The following SLC28A3 variants were observed in gnomAD, a reference collection of about 807,000 sequenced individuals.
SLC28A3 encodes the protein concentrative Na(+)-nucleoside cotransporter 3.
A neutral mutation model predicts 84.2 loss-of-function variants in SLC28A3; 68 were observed. The ratio of observed to expected loss-of-function variants is 0.81; its 90% CI spans 0.66 to 0.99. The LOEUF is 0.99. Ranked by LOEUF, SLC28A3 falls within the 50% of genes least tolerant of loss-of-function variation. The probability of loss-of-function intolerance (pLI) is 0.00; values close to 1 mark genes in which losing one functional copy is unlikely to be tolerated. For missense variants in SLC28A3, 712 were observed against 841.5 expected, an observed-to-expected ratio of 0.85 and a Z score of 1.90; for synonymous variants, 267 against 303.6, an observed-to-expected ratio of 0.88 and a Z score of 1.25.
chr9:84,334,768 C>T (rs936058343), intron 1 of SLC28A3, among the ~76,000 whole-genome samples: 67 of 151,986 alleles, frequency 4.4e-4, no homozygotes, highest in African/African-American at 1.6e-3. Flanking sequence ...AGCCTAACTC[C>T]CGCTCATAAC....
At chr9:84,319,928 C>A (rs1195799870) in intron 1 of SLC28A3, among the ~76,000 whole-genome samples, 2 of 151,678 alleles carry the variant, frequency 1.3e-5, no homozygotes, top group Non-Finnish European at 2.9e-5. Context: ...ATATTTGCAC[C>A]TTTATTAATT....
At chr9:84,281,765 T>C (rs1395147543) in intron 14 of SLC28A3, among the ~76,000 whole-genome samples, 2 of 152,174 alleles carry the variant, frequency 1.3e-5, no homozygotes, top group Non-Finnish European at 2.9e-5. Context: ...CCCATAAAAA[T>C]GAAATGCTGC....
chr9:84,327,954 A>G lies in SLC28A3; in HGVS notation c.60+12620T>C, dbSNP rs186139065. ...AAAAAAAAAAAAAAGAAAGAAAAAT[A>G]AAATAAAATCCCCCATCTTTAGTTG... is the stretch of plus-strand genomic sequence containing the variant. On this transcript the variant is annotated intron_variant, in intron 1 of 17. Transcript: ENST00000376238. 2.3e-3 allele frequency among the ~76,000 whole-genome samples: 352 copies of G among 151,562 alleles called. 2 individuals are homozygous for G. Among genetic ancestry groups the G allele is most frequent in the African/African-American group, 7.8e-3 (323 of 41,340 alleles).
the SLC28A3 span, among the ~76,000 whole-genome samples, chr9:84,350,040 C>T: frequency 1.3e-5 from 2 of 152,216 alleles, no homozygotes; most frequent in African/African-American, 4.8e-5. Context: ...GGCTCCTAGA[C>T]TACAAACCTG....
rs1407236255 is a variant in SLC28A3, at chr9:84,278,091, C to G, written c.*127G>C. On this transcript the variant is annotated 3_prime_UTR_variant, in exon 18 of 18. Coordinates refer to ENST00000376238, the MANE Select transcript of SLC28A3 (RefSeq NM_001199633.2). ...AGGTCCACTCTTGTTTTTCTTCATT[C>G]CTTGCAATTAAAGCTGATTCCATTA... 3.2e-6 allele frequency: 4 copies of G among 1,260,566 alleles called. No homozygotes were observed. Among genetic ancestry groups the G allele is most frequent in the Non-Finnish European group, 4.3e-6 (4 of 932,782 alleles). 78.1% of individuals were successfully genotyped at this position (1,260,566 alleles called of 1,614,324 possible). A position where few individuals can be genotyped will look rare whatever the true frequency, so the allele number is the denominator to read the frequency against.
At chr9:84,321,709 G>A (rs1826384417) in intron 1 of SLC28A3, among the ~76,000 whole-genome samples, 1 of 145,560 alleles carries the variant, frequency 6.9e-6, no homozygotes, top group African/African-American at 2.6e-5. Flanking sequence ...ACTCTAGCCT[G>A]GGCAATAGAG....
At chr9:84,334,885 T>C (rs1826915602) in intron 1 of SLC28A3, among the ~76,000 whole-genome samples, 1 of 151,888 alleles carries the variant, frequency 6.6e-6, no homozygotes, top group South Asian at 2.1e-4. Context: ...CCTTTCGGAG[T>C]CTTTTCTGTT....
intron 11 of SLC28A3, 61 bp from the exon 12 acceptor site, chr9:84,288,239 A>T: frequency 6.2e-7 from 1 of 1,606,258 alleles, no homozygotes; most frequent in Non-Finnish European, 8.5e-7. Flanking sequence ...GTTCAGAGGA[A>T]GGGTCCAAGA....
chr9:84,300,153 T>A (rs1005754551), intron 5 of SLC28A3, among the ~76,000 whole-genome samples: 6 of 152,194 alleles, frequency 3.9e-5, no homozygotes, highest in Admixed American at 1.3e-4. Context: ...CACCAGTAGG[T>A]TGTGCGTTTA....
chr9:84,342,142 A>G (rs1273551482), upstream of SLC28A3, among the ~76,000 whole-genome samples: 327 of 133,136 alleles, frequency 2.5e-3, 11 homozygotes, highest in African/African-American at 0.011. Flanking sequence ...AAAAAAAAAA[A>G]AAGAAAAGAA....
Position 84,279,928 on chromosome 9 carries a change from G to A in SLC28A3, c.1828+47C>T, listed in dbSNP as rs368977437. The A allele has an allele frequency of 6.3e-5, 100 of 1,581,066 alleles. No individual in the cohort carries two copies. The African/African-American group carries it at 1.1e-3, about 18-fold the overall frequency. ...GGAGGCACTGCCTGTCCTGAAAGCT[G>A]CCATTCATCCTGTGGGCACTGGGAC... On this transcript the variant is annotated intron_variant, in intron 16 of 17. Transcript: ENST00000376238.
At chr9:84,278,681 TG>T (rs1455542988) in intron 17 of SLC28A3, among the ~76,000 whole-genome samples, 1 of 152,148 alleles carries the variant, frequency 6.6e-6, no homozygotes, top group African/African-American at 2.4e-5. Context: ...CATGGGTCAC[TG>T]GTAGTTTCTT....
At chr9:84,341,632 T>G (rs1245383977), upstream of SLC28A3, among the ~76,000 whole-genome samples, 1 of 152,186 alleles carries the variant, frequency 6.6e-6, no homozygotes, top group East Asian at 1.9e-4. Context: ...CTGGGCTGCT[T>G]TCAAAAATCC....
At chr9:84,327,655 G>A (rs939695500) in intron 1 of SLC28A3, among the ~76,000 whole-genome samples, 2 of 151,960 alleles carry the variant, frequency 1.3e-5, no homozygotes, top group South Asian at 2.1e-4. Flanking sequence ...GGATGGGTGC[G>A]GTGGCTAATG....
At chr9:84,367,869 C>T in the SLC28A3 span, among the ~76,000 whole-genome samples, 1 of 152,156 alleles carries the variant, frequency 6.6e-6, no homozygotes, top group Non-Finnish European at 1.5e-5. Flanking sequence ...AGCCATAGGG[C>T]GGTTTTCTCC....
chr9:84,322,847 G>A (rs1826422428), intron 1 of SLC28A3, among the ~76,000 whole-genome samples: 1 of 151,880 alleles, frequency 6.6e-6, no homozygotes, highest in African/African-American at 2.4e-5. Context: ...AGAAAAAAAA[G>A]AAAGAATGAA....
chr9:84,281,711 C>T (rs1205606954), intron 14 of SLC28A3, among the ~76,000 whole-genome samples: 1 of 152,202 alleles, frequency 6.6e-6, no homozygotes, highest in African/African-American at 2.4e-5. Context: ...CTGGAAACAA[C>T]TTGAATGTCA....
intron 1 of SLC28A3, among the ~76,000 whole-genome samples, chr9:84,329,539 A>G (rs1328376856): frequency 1.3e-5 from 2 of 152,218 alleles, no homozygotes; most frequent in African/African-American, 4.8e-5. Flanking sequence ...TTTGGGGAAA[A>G]CTTATAAATT....
chr9:84,317,556 A>G (rs951934831), intron 1 of SLC28A3, among the ~76,000 whole-genome samples: 2 of 152,186 alleles, frequency 1.3e-5, no homozygotes, highest in African/African-American at 2.4e-5. Flanking sequence ...GTAATCACAC[A>G]GCCTGGCTTC....
Sources: allele counts gnomAD v4.1 joint callset (sites outside exome capture counted in the v4.1 genomes callset), GRCh38; gene constraint gnomAD v4.1.1; transcripts MANE v1.5; gene names NCBI Gene and HGNC (gene_info 2026-07-23, HGNC 2026-07-21).